USH1C: variants seen among roughly 807,000 people sequenced by gnomAD.
The protein encoded by USH1C is USH1 protein network component harmonin, also known as harmonin.
USH1C carries 90 observed loss-of-function variants against 119.3 expected under a neutral mutation model. That is an observed-to-expected ratio of 0.75 (90% CI 0.64 to 0.90). The LOEUF is 0.90. Ranked by LOEUF, USH1C falls within the 40% of genes least tolerant of loss-of-function variation. The pLI, the probability that USH1C is intolerant of heterozygous loss-of-function variation, is 0.00. For synonymous variants in USH1C, 465 were observed against 443.3 expected (o/e 1.05, Z -0.62); for missense variants, 1,165 against 1,167.7 (o/e 1.00, Z 0.03).
At chr11:17,499,260 G>A (rs927292580) in intron 23 of USH1C, among the ~76,000 whole-genome samples, 1 of 152,178 alleles carries the variant, frequency 6.6e-6, no homozygotes, top group Non-Finnish European at 1.5e-5. Flanking sequence ...TGGCATGAAG[G>A]CCCATAGGAA....
At chr11:17,539,878 G>C (rs1237984445) in intron 1 of USH1C, among the ~76,000 whole-genome samples, 2 of 138,024 alleles carry the variant, frequency 1.4e-5, no homozygotes, top group African/African-American at 2.8e-5. Flanking sequence ...TGTCACCCAA[G>C]CTGGAGTGCA....
At chr11:17,523,398 G>C (rs374468973) in intron 10 of USH1C, 21 bp downstream of exon 10, 1 of 1,614,182 alleles carries the variant, frequency 6.2e-7, no homozygotes, top group Non-Finnish European at 8.5e-7. Flanking sequence ...GGGCCAACAG[G>C]TGAAGACCCC....
At chr11:17,509,253 T>C (rs1565032141) in intron 18 of USH1C, 103 bp downstream of exon 18, 1 of 1,444,806 alleles carries the variant, frequency 6.9e-7, no homozygotes, top group Non-Finnish European at 9.2e-7. Flanking sequence ...TGAGATGATG[T>C]TTCTTTCTGT....
intron 1 of USH1C, among the ~76,000 whole-genome samples, chr11:17,541,331 A>C (rs1346921354): frequency 6.6e-6 from 1 of 152,080 alleles, no homozygotes; most frequent in Admixed American, 6.5e-5. Context: ...TTGTTTTTTG[A>C]TGCTTAGAGT....
intron 8 of USH1C, 103 bp from the exon 9 acceptor site, chr11:17,524,638 T>A: frequency 7.9e-7 from 1 of 1,272,374 alleles, no homozygotes; most frequent in Non-Finnish European, 1.1e-6. Context: ...CTTGACTGCC[T>A]ACCTCTTCAG....
At chr11:17,523,909 C>T (rs1328088668) in intron 9 of USH1C, among the ~76,000 whole-genome samples, 1 of 152,210 alleles carries the variant, frequency 6.6e-6, no homozygotes, top group Non-Finnish European at 1.5e-5. Flanking sequence ...CTTTAACCCA[C>T]ACAACAACCT....
chr11:17,517,600 G>C lies in USH1C; in HGVS notation c.1211-1310C>G. On this transcript the variant is annotated intron_variant, in intron 14 of 26. Coordinates refer to ENST00000005226, the MANE Select transcript of USH1C (RefSeq NM_153676.4). ...TCCTCCATGGGAGCTGTGAGGTCAG[G>C]GGCAGGGGACAGAGTTCAGGAGAGC... The C allele has an allele frequency of 4.4e-6, 4 of 913,672 alleles. 1 individual carries two copies. Among genetic ancestry groups the C allele is most frequent in the South Asian group, 4.2e-5 (3 of 71,142 alleles). 56.6% of individuals were successfully genotyped at this position (913,672 alleles called of 1,614,324 possible).
At chr11:17,536,908 T>C (rs897814959) in intron 1 of USH1C, among the ~76,000 whole-genome samples, 13 of 152,188 alleles carry the variant, frequency 8.5e-5, no homozygotes, top group Non-Finnish European at 1.5e-5. Flanking sequence ...AAGTGATAGA[T>C]CATCAAAAAC....
intron 2 of USH1C, among the ~76,000 whole-genome samples, chr11:17,533,007 CTG>C (rs112907225): frequency 1.3e-5 from 2 of 152,234 alleles, no homozygotes; most frequent in African/African-American, 4.8e-5. Flanking sequence ...CTCCATCAGA[CTG>C]TGAGCAACCT....
chr11:17,521,289 A>T, intron 13 of USH1C, 57 bp downstream of exon 13: 1 of 1,592,474 alleles, frequency 6.3e-7, no homozygotes, highest in Non-Finnish European at 8.6e-7. Flanking sequence ...GGTTGGCCAC[A>T]CTCCCCTGAG....
chr11:17,519,280 G>A (rs532322436), intron 14 of USH1C, among the ~76,000 whole-genome samples: 171 of 152,354 alleles, frequency 1.1e-3, no homozygotes, highest in African/African-American at 4.0e-3. Flanking sequence ...TGCATACAGA[G>A]ACAGATAGAG....
chr11:17,533,363 A>ACT, intron 1 of USH1C, 41 bp from the exon 2 acceptor site: 3 of 1,370,280 alleles, frequency 2.2e-6, no homozygotes, highest in Non-Finnish European at 2.1e-6. Flanking sequence ...CAGGCTCAGC[A>ACT]CCCGCCCCCA....
At chr11:17,501,630 T>C (rs1849450571) in intron 21 of USH1C, 95 bp from the exon 22 acceptor site, 2 of 1,396,036 alleles carry the variant, frequency 1.4e-6, no homozygotes, top group South Asian at 2.5e-5. Context: ...TATGGGACAC[T>C]GGGCCCCACA....
chr11:17,507,046 G>A (rs7940283), intron 18 of USH1C, among the ~76,000 whole-genome samples: 2,081 of 152,310 alleles, frequency 0.014, 46 homozygotes, highest in African/African-American at 0.048. Context: ...CCCTATGGCC[G>A]GTGCTGGTGT....
At chr11:17,505,719 G>A in intron 19 of USH1C, 111 bp downstream of exon 19, 1 of 1,502,424 alleles carries the variant, frequency 6.7e-7, no homozygotes, top group Non-Finnish European at 9.1e-7. Flanking sequence ...TGGCATCTGT[G>A]ATCTGCATTT....
At chr11:17,498,308 T>C in intron 23 of USH1C, 37 bp from the exon 24 acceptor site, 2 of 1,593,042 alleles carry the variant, frequency 1.3e-6, no homozygotes, top group Non-Finnish European at 8.6e-7. Context: ...AACTGGGCTG[T>C]ATGTGACACG....
rs372227474 is a variant in USH1C at position 17,501,054 on chromosome 11, G to A, written c.2377C>T (p.His793Tyr). The change falls in exon 23 of 27, where the codon CAT (histidine) becomes TAT (tyrosine). Residue 793 changes from histidine (H) to tyrosine (Y), a missense_variant. His to Tyr is a moderately conservative substitution (Grantham distance 83). Transcript: ENST00000005226. The stretch of plus-strand genomic sequence containing the variant: ...GGTGTGGCTAGTCTCCACTCACCAT[G>A]CCGCTCAGCAGCTCCCCGCTCATAC... Reference protein sequence around the residue: ...AVYERGAAERHGGIVKGDEIM... With the variant: ...AVYERGAAERYGGIVKGDEIM... The A allele has an allele frequency of 5.6e-5, 90 of 1,613,278 alleles. No homozygotes were observed. The Middle Eastern group carries it at 4.1e-3, about 74-fold the overall frequency.
chr11:17,521,763 TG>T (rs35564438), intron 12 of USH1C, among the ~76,000 whole-genome samples: 2 of 152,266 alleles, frequency 1.3e-5, no homozygotes, highest in Admixed American at 1.3e-4. Context: ...CCTAGCCAGG[TG>T]GAATACTCCC....
intron 14 of USH1C, among the ~76,000 whole-genome samples, chr11:17,519,344 G>A (rs1850308869): frequency 6.6e-6 from 1 of 152,238 alleles, no homozygotes; most frequent in African/African-American, 2.4e-5. Flanking sequence ...CCTGTGCTTT[G>A]TGGAGCTGCC....
Sources: allele counts gnomAD v4.1 joint callset (sites outside exome capture counted in the v4.1 genomes callset), GRCh38; gene constraint gnomAD v4.1.1; transcripts MANE v1.5; gene names NCBI Gene and HGNC (gene_info 2026-07-23, HGNC 2026-07-21).